The following CLN5 variants were observed in gnomAD, a reference collection of about 807,000 sequenced individuals.
CLN5 encodes CLN5 lysosomal BMP synthase, also known as bis(monoacylglycero)phosphate synthase CLN5.
CLN5 carries 34 observed loss-of-function variants against 36.7 expected under a neutral mutation model. That is an observed-to-expected ratio of 0.93 (90% CI 0.71 to 1.23). The LOEUF (loss-of-function observed/expected upper bound fraction) is 1.23. Among genes scored for constraint, CLN5 ranks in the 50% most tolerant of loss-of-function variants. The pLI is 0.00. For synonymous variants in CLN5, 151 were observed against 155.1 expected (o/e 0.97, Z 0.20); for missense variants, 427 against 439.4 (o/e 0.97, Z 0.25).
At chr13:76,992,386 G>A in intron 1 of CLN5, 115 bp downstream of exon 1, 1 of 1,204,474 alleles carries the variant, frequency 8.3e-7, no homozygotes, top group Non-Finnish European at 1.1e-6. Context: ...ACGAGATGGT[G>A]CGGGGACAGC....
chr13:76,992,179 C>G lies in CLN5; in HGVS notation c.81C>G (p.Cys27Trp). Residue 27 changes from cysteine to tryptophan, a missense_variant, in exon 1 of 4, where the codon TGC (cysteine) becomes TGG (tryptophan). Coordinates refer to ENST00000377453, the MANE Select transcript of CLN5 (RefSeq NM_006493.4). Reference sequence around the variant, plus strand: ...CGGCTCGGGGACGCGCTTCCTGGTGCTGGGCCCTGGCGCTGCTTTGGCTCG... The same window carrying G: ...CGGCTCGGGGACGCGCTTCCTGGTGGTGGGCCCTGGCGCTGCTTTGGCTCG... ...AGAARGRASWCWALALLWLAV... is the reference protein window; with the variant it reads ...AGAARGRASWWWALALLWLAV... 1 of 1,605,540 alleles carries G rather than the reference C, an allele frequency of 6.2e-7. No homozygotes were observed. The highest frequency in any genetic ancestry group is 8.5e-7 in the Non-Finnish European group (1 of 1,178,048).
Position 77,000,687 on chromosome 13 carries a change from A to G in CLN5, c.795A>G (p.Glu265=). ...CAAGAATATTTCTTTACAGTGGAGA[A>G]CCTACTTATCTGGGAAATGAAACAT... is the stretch of plus-strand genomic sequence containing the variant. ...NYTRIFLYSG[E]PTYLGNETSV... is the part of the protein sequence containing the mutation. Residue 265 remains glutamate (E), a synonymous_variant, in exon 4 of 4, where the codon GAA becomes GAG. Transcript: ENST00000377453. 1 of 1,614,144 alleles carries G rather than the reference A, an allele frequency of 6.2e-7. No individual in the cohort carries two copies. Among genetic ancestry groups the G allele is most frequent in the Non-Finnish European group, 8.5e-7 (1 of 1,179,992 alleles).
chr13:77,004,407 GCTCTT>G lies in CLN5; in HGVS notation c.*3440_*3444del, dbSNP rs2034415134. 1 of 152,134 alleles carries G rather than the reference GCTCTT, an allele frequency of 6.6e-6. No individual in the cohort carries two copies. The highest frequency in any genetic ancestry group is 1.5e-5 in the Non-Finnish European group (1 of 68,026). 9.4% of individuals were successfully genotyped at this position (152,134 alleles called of 1,614,324 possible). The stretch of plus-strand genomic sequence containing the variant: ...CCCTTTATTATCCAAGTGGTTTCCT[GCTCTT>G]CAAACCTTCCTTTCAAAATTTTGTC... On this transcript the variant is annotated 3_prime_UTR_variant, in exon 4 of 4. Transcript: ENST00000377453.
In CLN5 at chr13:76,995,136, A is replaced by G. The variant is rs750283603; in HGVS notation, c.247A>G (p.Ile83Val). 5.6e-6 allele frequency: 9 copies of G among 1,613,924 alleles called. No homozygotes were observed. Among genetic ancestry groups the G allele is most frequent in the Non-Finnish European group, 4.2e-6 (5 of 1,179,898 alleles). The change falls in exon 2 of 4, where the codon ATC (isoleucine) becomes GTC (valine). Residue 83 changes from isoleucine (I) to valine (V), a missense_variant. By Grantham distance (29) the Ile-to-Val change is conservative. Coordinates refer to ENST00000377453, the MANE Select transcript of CLN5 (RefSeq NM_006493.4). ...KYTFCPTGSP[I>V]PVMEGDDDIE... Reference sequence around the variant, plus strand: ...TACTTTCTGTCCAACTGGCTCACCTATCCCAGTTATGGAGGGTGATGATGA... The same window carrying G: ...TACTTTCTGTCCAACTGGCTCACCTGTCCCAGTTATGGAGGGTGATGATGA...
Position 77,002,016 on chromosome 13 carries a change from CCTTT to C in CLN5, c.*1048_*1051del, listed in dbSNP as rs2034372477. The C allele has an allele frequency of 6.6e-6, 1 of 152,144 alleles. No individual in the cohort carries two copies. Among genetic ancestry groups the C allele is most frequent in the Non-Finnish European group, 1.5e-5 (1 of 68,016 alleles). The allele number at this position is 152,144 out of a possible 1,614,324, so 9.4% of individuals were successfully genotyped here. ...TTAGAGCCAGACAAGCTTTCAAGGT[CCTTT>C]AAGTATTTGATGATCAACTGAACAC... On this transcript the variant is annotated 3_prime_UTR_variant, in exon 4 of 4. Coordinates refer to ENST00000377453, the MANE Select transcript of CLN5 (RefSeq NM_006493.4).
rs2154035111 is a variant in CLN5 at position 77,000,490 on chromosome 13, A to AAC, written c.599_600insCA (p.Lys200AsnfsTer16). 1.2e-6 allele frequency: 2 copies of AAC among 1,613,906 alleles called. No homozygotes were observed. Among genetic ancestry groups the AAC allele is most frequent in the South Asian group, 2.2e-5 (2 of 91,002 alleles). On this transcript the variant is annotated frameshift_variant, in exon 4 of 4. Transcript: ENST00000377453. LOFTEE classifies it high-confidence loss of function. ...GTTCAACCAAATGGCAAAGTGGGTG[A>AAC]AACAGGACAATGAAACAGGAATTTA...
intron 2 of CLN5, 154 bp downstream of exon 2, chr13:76,995,382 T>C (rs551119455): frequency 7.0e-6 from 5 of 715,036 alleles, no homozygotes. Flanking sequence ...AAATAGTTAC[T>C]ATCAGATTTT....
chr13:77,001,254 G>T lies in CLN5; in HGVS notation c.*285G>T. On this transcript the variant is annotated 3_prime_UTR_variant, in exon 4 of 4. Transcript: ENST00000377453. The stretch of plus-strand genomic sequence containing the variant: ...TTCATATCAGTTATGTAGGACCTTT[G>T]GACCCAGGGTCCTACAGATAGATAT... 3.8e-6 allele frequency: 1 copy of T among 262,126 alleles called. No homozygotes were observed. The highest frequency in any genetic ancestry group is 5.7e-5 in the South Asian group (1 of 17,602). 16.2% of individuals were successfully genotyped at this position (262,126 alleles called of 1,614,324 possible).
At chr13:76,993,699 T>C (rs1255768818) in intron 1 of CLN5, 1 of 152,250 alleles carries the variant, frequency 6.6e-6, no homozygotes, top group East Asian at 1.9e-4. Flanking sequence ...ATTATGTATT[T>C]GTTTAAACCA....
Position 77,000,931 on chromosome 13 carries a change from C to T in CLN5, c.1039C>T (p.Pro347Ser), listed in dbSNP as rs1427557682. ...PFIKITYEEI[P>S]LPIRNKTLSG... ...TATTAAAATAACATATGAAGAAATC[C>T]CTTTACCTATCAGAAACAAAACACT... Residue 347 changes from proline to serine, a missense_variant, in exon 4 of 4, where the codon CCT (proline) becomes TCT (serine). Transcript: ENST00000377453. 1.2e-6 allele frequency: 2 copies of T among 1,602,984 alleles called. No individual in the cohort carries two copies. The highest frequency in any genetic ancestry group is 1.7e-6 in the Non-Finnish European group (2 of 1,175,258).
Position 77,000,949 on chromosome 13 carries a change from A to G in CLN5, c.1057A>G (p.Lys353Glu), listed in dbSNP as rs767924605. 10 of 1,606,114 alleles carry G rather than the reference A, an allele frequency of 6.2e-6. No homozygotes were observed. The East Asian group carries it at 1.1e-4, about 18-fold the overall frequency. Reference sequence around the variant, plus strand: ...AGAAATCCCTTTACCTATCAGAAACAAAACACTCTCTGGTTTATAAAACAC... The same window carrying G: ...AGAAATCCCTTTACCTATCAGAAACGAAACACTCTCTGGTTTATAAAACAC... Reference protein sequence around the residue: ...YEEIPLPIRNKTLSGL With the variant: ...YEEIPLPIRNETLSGL Residue 353 changes from lysine to glutamate, a missense_variant, in exon 4 of 4, where the codon AAA becomes GAA. Coordinates refer to ENST00000377453, the MANE Select transcript of CLN5 (RefSeq NM_006493.4).
At position 77,000,584 on chromosome 13, in the gene CLN5, G is replaced by A. The variant is rs200419110; in HGVS notation, c.692G>A (p.Cys231Tyr). 2.5e-6 allele frequency: 4 copies of A among 1,614,094 alleles called. No individual in the cohort carries two copies. Among genetic ancestry groups the A allele is most frequent in the East Asian group, 2.2e-5 (1 of 44,862 alleles). The change falls in exon 4 of 4, where the codon TGT (cysteine) becomes TAT (tyrosine). Residue 231 changes from cysteine (C) to tyrosine (Y), a missense_variant. Transcript: ENST00000377453. ...GAETWFDSYD[C>Y]SKFVLRTFNK... ...GAGACATGGTTTGATTCCTACGACTGTTCCAAATTTGTGTTAAGGACCTTT... is the reference window on the plus strand; with the variant it reads ...GAGACATGGTTTGATTCCTACGACTATTCCAAATTTGTGTTAAGGACCTTT...
chr13:77,001,236 C>T lies in CLN5; in HGVS notation c.*267C>T. 1 of 339,076 alleles carries T rather than the reference C, an allele frequency of 2.9e-6. No individual in the cohort carries two copies. The highest frequency in any genetic ancestry group is 5.4e-6 in the Non-Finnish European group (1 of 183,614). 21.0% of individuals were successfully genotyped at this position (339,076 alleles called of 1,614,324 possible). On this transcript the variant is annotated 3_prime_UTR_variant, in exon 4 of 4. Transcript: ENST00000377453. ...TAATATGGAGAATTATGGTTCATAT[C>T]AGTTATGTAGGACCTTTGGACCCAG...
chr13:76,993,980 C>CT (rs1230833940), intron 1 of CLN5: 1 of 152,202 alleles, frequency 6.6e-6, no homozygotes, highest in Non-Finnish European at 1.5e-5. Flanking sequence ...CCCTCGAGTC[C>CT]TATTGCTGTG....
Position 77,000,984 on chromosome 13 carries a change from A to C in CLN5, c.*15A>C. On this transcript the variant is annotated 3_prime_UTR_variant, in exon 4 of 4. Coordinates refer to ENST00000377453, the MANE Select transcript of CLN5 (RefSeq NM_006493.4). ...CTGGTTTATAAAACACCTTAATTCT[A>C]CTGCTCTTTTTTCTCCAATCACCAG... is the stretch of plus-strand genomic sequence containing the variant. 2 of 1,598,476 alleles carry C rather than the reference A, an allele frequency of 1.3e-6. No homozygotes were observed. Among genetic ancestry groups the C allele is most frequent in the Non-Finnish European group, 1.7e-6 (2 of 1,174,044 alleles).
chr13:76,997,653 C>T (rs1239724767), intron 3 of CLN5: 1 of 152,254 alleles, frequency 6.6e-6, no homozygotes, highest in East Asian at 1.9e-4. Flanking sequence ...GTTTTTGTTG[C>T]ATTTGCTTTT....
Position 76,995,155 on chromosome 13 carries a change from A to G in CLN5, c.266A>G (p.Asp89Gly). ...TCACCTATCCCAGTTATGGAGGGTG[A>G]TGATGACATTGAAGTTTTTCGATTA... ...TGSPIPVMEG[D>G]DDIEVFRLQA... The change falls in exon 2 of 4, where the codon GAT (aspartate) becomes GGT (glycine). Residue 89 changes from aspartate to glycine, a missense_variant. Transcript: ENST00000377453. 1 of 1,614,128 alleles carries G rather than the reference A, an allele frequency of 6.2e-7. No homozygotes were observed. Among genetic ancestry groups the G allele is most frequent in the Non-Finnish European group, 8.5e-7 (1 of 1,179,986 alleles).
In CLN5 at chr13:77,004,641, C is replaced by T. The variant is rs117517856; in HGVS notation, c.*3672C>T. The T allele has an allele frequency of 3.3e-5, 5 of 152,004 alleles. No homozygotes were observed. In the East Asian group the frequency reaches 9.7e-4, roughly 29 times the overall value. The allele number at this position is 152,004 out of a possible 1,614,324, so 9.4% of individuals were successfully genotyped here. A position where few individuals can be genotyped will look rare whatever the true frequency, so the allele number is the denominator to read the frequency against. The stretch of plus-strand genomic sequence containing the variant: ...GAGTCTGTGCAAAGCTCATTACTAT[C>T]TATGTGTGGGGTAGAAATTATAGTG... On this transcript the variant is annotated 3_prime_UTR_variant, in exon 4 of 4. Coordinates refer to ENST00000377453, the MANE Select transcript of CLN5 (RefSeq NM_006493.4).
chr13:76,995,377 G>A (rs1178927647), intron 2 of CLN5, 149 bp downstream of exon 2: 2 of 728,152 alleles, frequency 2.7e-6, no homozygotes, highest in South Asian at 1.6e-5. Flanking sequence ...GTCAAAAATA[G>A]TTACTATCAG....
Sources: gnomAD v4.1 joint callset for allele counts on GRCh38, gnomAD v4.1.1 for gene constraint, MANE v1.5 for transcripts, NCBI Gene and HGNC (gene_info 2026-07-23, HGNC 2026-07-21) for gene names.